The following ASTN2 variants were observed in gnomAD, a reference collection of about 807,000 sequenced individuals.
ASTN2 encodes the protein astrotactin-2.
Under a neutral mutation model 139.8 loss-of-function variants are expected in ASTN2, and 54 were observed. That is an observed-to-expected ratio of 0.39 (90% CI 0.31 to 0.48). ASTN2 has a LOEUF of 0.48. ASTN2 is among the 20% of genes least tolerant of loss of function. The pLI is 0.95. For synonymous variants in ASTN2, 756 were observed against 719.5 expected (o/e 1.05, Z -0.81); for missense variants, 1,565 against 1,725.1 (o/e 0.91, Z 1.64).
chr9:116,702,365 C>T lies in ASTN2; in HGVS notation c.2806+23406G>A, dbSNP rs10817923. Among the ~76,000 whole-genome samples the T allele has an allele frequency of 0.019, 2,923 of 152,166 alleles. 400 individuals are homozygous for T. In the South Asian group the frequency reaches 0.29, roughly 15 times the overall value. Reference sequence around the variant, plus strand: ...AAACAGTTCCTTTCTTCTTGCTTAACAGGTTTCTATTTGGTGATTAAAACC... The same window carrying T: ...AAACAGTTCCTTTCTTCTTGCTTAATAGGTTTCTATTTGGTGATTAAAACC... On this transcript the variant is annotated intron_variant, in intron 16 of 22. Coordinates refer to ENST00000313400, the MANE Select transcript of ASTN2 (RefSeq NM_001365068.1).
At chr9:116,835,445 T>G (rs1831954921) in intron 11 of ASTN2, among the ~76,000 whole-genome samples, 1 of 152,208 alleles carries the variant, frequency 6.6e-6, no homozygotes, top group African/African-American at 2.4e-5. Context: ...TACATCTTTT[T>G]CTTTCAGACC....
intron 19 of ASTN2, among the ~76,000 whole-genome samples, chr9:116,563,126 A>G (rs1253701606): frequency 1.3e-5 from 2 of 152,152 alleles, no homozygotes; most frequent in East Asian, 3.9e-4. Context: ...CTGTAATCCC[A>G]GCACTTTGGG....
At chr9:116,507,880 T>TA (rs1554773220) in intron 19 of ASTN2, among the ~76,000 whole-genome samples, 1 of 152,102 alleles carries the variant, frequency 6.6e-6, no homozygotes, top group African/African-American at 2.4e-5. Context: ...CTTCTTCTTC[T>TA]TTTATTTATT....
intron 19 of ASTN2, among the ~76,000 whole-genome samples, chr9:116,510,124 G>T (rs1850304728): frequency 6.6e-6 from 1 of 152,146 alleles, no homozygotes; most frequent in South Asian, 2.1e-4. Flanking sequence ...TTCTTCTAAG[G>T]TTTTTATGGT....
At chr9:116,819,153 A>G (rs564246784) in intron 12 of ASTN2, among the ~76,000 whole-genome samples, 15 of 152,236 alleles carry the variant, frequency 9.9e-5, no homozygotes, top group African/African-American at 3.6e-4. Flanking sequence ...TCTGATGTCA[A>G]AATCCATTAT....
chr9:117,205,395 A>T (rs1831883538), intron 3 of ASTN2, among the ~76,000 whole-genome samples: 1 of 152,166 alleles, frequency 6.6e-6, no homozygotes, highest in Admixed American at 6.5e-5. Flanking sequence ...TTTATATCTA[A>T]TCCTCCCATT....
chr9:117,255,339 G>A (rs910144394), intron 2 of ASTN2, among the ~76,000 whole-genome samples: 1 of 152,230 alleles, frequency 6.6e-6, no homozygotes, highest in African/African-American at 2.4e-5. Flanking sequence ...TCATTAAGGG[G>A]ATACTGAATG....
chr9:117,345,286 T>C (rs1473430715), intron 1 of ASTN2, among the ~76,000 whole-genome samples: 3 of 152,178 alleles, frequency 2.0e-5, no homozygotes, highest in Admixed American at 6.5e-5. Flanking sequence ...GTCTAGGTCC[T>C]AGGCCTTCAG....
intron 5 of ASTN2, among the ~76,000 whole-genome samples, chr9:117,060,581 A>AAGGC (rs201118304): frequency 2.5e-5 from 3 of 120,620 alleles, no homozygotes; most frequent in Admixed American, 1.8e-4. Flanking sequence ...GGAGGGAAAG[A>AAGGC]AGGCAGGAAG....
At chr9:116,481,535 C>A (rs1225559848) in intron 20 of ASTN2, among the ~76,000 whole-genome samples, 1 of 152,220 alleles carries the variant, frequency 6.6e-6, no homozygotes, top group Non-Finnish European at 1.5e-5. Context: ...TGCAGATTCA[C>A]AAAGTCTATT....
intron 1 of ASTN2, among the ~76,000 whole-genome samples, chr9:117,409,515 G>T (rs1312588722): frequency 6.6e-6 from 1 of 152,166 alleles, no homozygotes; most frequent in African/African-American, 2.4e-5. Context: ...ATACTGGGTT[G>T]TTGGACAGCT....
chr9:116,995,112 C>T (rs1289684207), intron 7 of ASTN2, among the ~76,000 whole-genome samples: 1 of 152,184 alleles, frequency 6.6e-6, no homozygotes, highest in African/African-American at 2.4e-5. Flanking sequence ...TTGACCACCA[C>T]AAGATGCTTA....
At chr9:116,874,426 G>A (rs1277407673) in intron 10 of ASTN2, among the ~76,000 whole-genome samples, 1 of 152,150 alleles carries the variant, frequency 6.6e-6, no homozygotes, top group Non-Finnish European at 1.5e-5. Context: ...GCTGTTCGCT[G>A]AATAAGGGCA....
intron 13 of ASTN2, among the ~76,000 whole-genome samples, chr9:116,799,054 T>C (rs1830773233): frequency 8.6e-6 from 1 of 115,924 alleles, no homozygotes; most frequent in Non-Finnish European, 1.6e-5. Context: ...TCCAGACACA[T>C]AAAAAATGTA....
At chr9:117,303,744 T>C (rs1834932368) in intron 1 of ASTN2, among the ~76,000 whole-genome samples, 1 of 152,212 alleles carries the variant, frequency 6.6e-6, no homozygotes, top group Non-Finnish European at 1.5e-5. Flanking sequence ...TCTCCTCCTC[T>C]TTACATCTAA....
chr9:116,555,708 C>T (rs980567764), intron 19 of ASTN2, among the ~76,000 whole-genome samples: 2 of 152,036 alleles, frequency 1.3e-5, no homozygotes, highest in Non-Finnish European at 2.9e-5. Context: ...ATTCACTGAA[C>T]AATAAATGGG....
chr9:116,918,747 T>C (rs1394431072), intron 10 of ASTN2, among the ~76,000 whole-genome samples: 3 of 152,214 alleles, frequency 2.0e-5, no homozygotes, highest in Admixed American at 2.0e-4. Context: ...ACATGGAACA[T>C]GCTTAGGTTT....
intron 1 of ASTN2, among the ~76,000 whole-genome samples, chr9:117,389,067 A>C (rs1344624317): frequency 6.6e-6 from 1 of 152,198 alleles, no homozygotes; most frequent in Non-Finnish European, 1.5e-5. Flanking sequence ...AACCTGAGCA[A>C]GGATTAAAGA....
intron 5 of ASTN2, among the ~76,000 whole-genome samples, chr9:117,045,085 G>A (rs1048335547): frequency 6.6e-6 from 1 of 151,984 alleles, no homozygotes; most frequent in Non-Finnish European, 1.5e-5. Flanking sequence ...GTGGCCTTTG[G>A]GGTCAGGCAT....
Sources: gnomAD v4.1 joint callset for allele counts (sites outside exome capture counted in the v4.1 genomes callset) on GRCh38, gnomAD v4.1.1 for gene constraint, MANE v1.5 for transcripts, NCBI Gene and HGNC (gene_info 2026-07-23, HGNC 2026-07-21) for gene names.